Variants in GALNTL6 observed in about 807,000 individuals in gnomAD.
The protein encoded by GALNTL6 is polypeptide N-acetylgalactosaminyltransferase like 6, also known as polypeptide N-acetylgalactosaminyltransferase-like 6.
GALNTL6 carries 46 observed loss-of-function variants against 73.7 expected under a neutral mutation model. The ratio of observed to expected loss-of-function variants is 0.62; its 90% CI spans 0.49 to 0.80. The LOEUF is 0.80. GALNTL6 is among the 30% of genes least tolerant of loss of function. The probability of loss-of-function intolerance (pLI) is 0.00; values close to 1 mark genes in which losing one functional copy is unlikely to be tolerated. For synonymous variants in GALNTL6, 259 were observed against 263.7 expected (o/e 0.98, Z 0.17); for missense variants, 604 against 755.0 (o/e 0.80, Z 2.34).
intron 2 of GALNTL6, among the ~76,000 whole-genome samples, chr4:172,058,779 C>G (rs1731107441): frequency 6.6e-6 from 1 of 152,168 alleles, no homozygotes; most frequent in Non-Finnish European, 1.5e-5. Flanking sequence ...TTACTTCCCT[C>G]TTTCTTCTCA....
At chr4:172,200,199 A>G (rs900297497) in intron 2 of GALNTL6, among the ~76,000 whole-genome samples, 5 of 152,158 alleles carry the variant, frequency 3.3e-5, no homozygotes, top group Admixed American at 6.5e-5. Flanking sequence ...ATTATATCCC[A>G]TTTTATTGAT....
intron 2 of GALNTL6, among the ~76,000 whole-genome samples, chr4:172,196,081 C>G (rs1735758531): frequency 7.3e-6 from 1 of 137,758 alleles, no homozygotes; most frequent in African/African-American, 2.7e-5. Context: ...GAGAGAATAA[C>G]TGAATAGACA....
chr4:172,036,790 CATTTATTTATT>C (rs1031233477), intron 2 of GALNTL6, among the ~76,000 whole-genome samples: 1 of 152,010 alleles, frequency 6.6e-6, no homozygotes, highest in African/African-American at 2.4e-5. Context: ...GGGTTGTTTC[CATTTATTTATT>C]ACACAAAGGT....
At chr4:172,471,206 C>G (rs1733031198) in intron 5 of GALNTL6, among the ~76,000 whole-genome samples, 1 of 152,126 alleles carries the variant, frequency 6.6e-6, no homozygotes, top group Non-Finnish European at 1.5e-5. Flanking sequence ...TTCCTGCATG[C>G]AGGTTGATCA....
chr4:172,080,583 T>G (rs1456507041), intron 2 of GALNTL6, among the ~76,000 whole-genome samples: 1 of 152,074 alleles, frequency 6.6e-6, no homozygotes, highest in Admixed American at 6.5e-5. Context: ...CAATAAAATT[T>G]ATAAATAGAC....
intron 2 of GALNTL6, among the ~76,000 whole-genome samples, chr4:172,082,554 C>G (rs893570292): frequency 4.0e-5 from 6 of 151,876 alleles, no homozygotes; most frequent in African/African-American, 1.2e-4. Flanking sequence ...ATGTACCTGC[C>G]AAGGAGAAAG....
chr4:172,537,094 A>G (rs867285533), intron 5 of GALNTL6, among the ~76,000 whole-genome samples: 3 of 152,200 alleles, frequency 2.0e-5, no homozygotes, highest in Non-Finnish European at 4.4e-5. Flanking sequence ...ACAGGCTAAT[A>G]GGTGGAAGGG....
chr4:172,256,812 T>C (rs542310604), intron 3 of GALNTL6, among the ~76,000 whole-genome samples: 15 of 148,936 alleles, frequency 1.0e-4, no homozygotes, highest in Non-Finnish European at 1.8e-4. Context: ...ATTGATTAGA[T>C]AGAGTATTGC....
chr4:172,586,982 C>T (rs1046281984), intron 5 of GALNTL6, among the ~76,000 whole-genome samples: 2 of 152,052 alleles, frequency 1.3e-5, no homozygotes, highest in Non-Finnish European at 2.9e-5. Flanking sequence ...TAAGGTACAG[C>T]AAAGAAATGT....
At chr4:172,653,066 G>A (rs1312699696) in intron 5 of GALNTL6, among the ~76,000 whole-genome samples, 1 of 151,848 alleles carries the variant, frequency 6.6e-6, no homozygotes, top group African/African-American at 2.4e-5. Context: ...AGATCAAAAT[G>A]TGCTTTTCCA....
At chr4:171,817,748 T>A (rs1434006992) in intron 2 of GALNTL6, among the ~76,000 whole-genome samples, 1 of 151,674 alleles carries the variant, frequency 6.6e-6, no homozygotes, top group African/African-American at 2.4e-5. Flanking sequence ...GTTTTTCTTT[T>A]TCCTTTACTC....
In GALNTL6 at chr4:172,020,698, A is replaced by G. The variant is rs79887593; in HGVS notation, c.138+205980A>G. On this transcript the variant is annotated intron_variant, in intron 2 of 12. Coordinates refer to ENST00000506823, the MANE Select transcript of GALNTL6 (RefSeq NM_001034845.3). ...CTCACAGCAAAGAAAAGCCCAGGAC[A>G]CAATAGCTTCACTGCAGCATTCTAT... Among the ~76,000 whole-genome samples, 442 of 152,148 alleles carry G rather than the reference A, an allele frequency of 2.9e-3. 1 individual carries two copies. Among genetic ancestry groups the G allele is most frequent in the African/African-American group, 0.01 (430 of 41,558 alleles).
intron 9 of GALNTL6, among the ~76,000 whole-genome samples, chr4:172,933,388 TA>T (rs1748454269): frequency 6.6e-6 from 1 of 152,124 alleles, no homozygotes; most frequent in South Asian, 2.1e-4. Context: ...ACTGTTCATA[TA>T]TTTTCAAGAA....
intron 2 of GALNTL6, among the ~76,000 whole-genome samples, chr4:171,894,016 C>T (rs1163135948): frequency 7.5e-6 from 1 of 134,204 alleles, no homozygotes; most frequent in Non-Finnish European, 1.6e-5. Flanking sequence ...ACATCATCAT[C>T]ATTATTTTTC....
At chr4:172,952,793 G>A (rs1749522589) in intron 10 of GALNTL6, among the ~76,000 whole-genome samples, 1 of 152,186 alleles carries the variant, frequency 6.6e-6, no homozygotes, top group African/African-American at 2.4e-5. Context: ...TGGGATTACA[G>A]GCATGAGCCA....
chr4:172,744,624 C>A (rs759502216), intron 5 of GALNTL6, among the ~76,000 whole-genome samples: 12 of 152,020 alleles, frequency 7.9e-5, no homozygotes, highest in Non-Finnish European at 1.6e-4. Context: ...TTTGTCACTT[C>A]CCCAAATTTC....
chr4:172,988,091 T>C (rs1751376132), intron 10 of GALNTL6, among the ~76,000 whole-genome samples: 1 of 152,084 alleles, frequency 6.6e-6, no homozygotes, highest in South Asian at 2.1e-4. Context: ...TTGGAACAAT[T>C]TGGAGGGCTC....
intron 2 of GALNTL6, among the ~76,000 whole-genome samples, chr4:172,075,788 A>AGC (rs1035519109): frequency 4.6e-5 from 7 of 152,110 alleles, no homozygotes; most frequent in African/African-American, 1.7e-4. Flanking sequence ...AGAGAGAGAG[A>AGC]GCGATCACTG....
At chr4:172,685,487 C>T (rs1054622249) in intron 5 of GALNTL6, among the ~76,000 whole-genome samples, 2 of 152,140 alleles carry the variant, frequency 1.3e-5, no homozygotes, top group Non-Finnish European at 2.9e-5. Flanking sequence ...TCCAAAGGCA[C>T]ATTAAAGAAC....
Sources: allele counts gnomAD v4.1 joint callset (sites outside exome capture counted in the v4.1 genomes callset), GRCh38; gene constraint gnomAD v4.1.1; transcripts MANE v1.5; gene names NCBI Gene and HGNC (gene_info 2026-07-23, HGNC 2026-07-21).